The following TMEM50A variants were observed in gnomAD, a reference collection of about 807,000 sequenced individuals.
TMEM50A encodes cervical cancer oncogene 9.
Under a neutral mutation model 23.9 loss-of-function variants are expected in TMEM50A, and 8 were observed. That is an observed-to-expected ratio of 0.33 (90% CI 0.20 to 0.60). The LOEUF is 0.60. Among genes scored for constraint, TMEM50A ranks in the 20% least tolerant of loss-of-function variants. The pLI, the probability that TMEM50A is intolerant of heterozygous loss-of-function variation, is 0.81. For synonymous variants in TMEM50A, 55 were observed against 60.4 expected (o/e 0.91, Z 0.41); for missense variants, 178 against 192.7 (o/e 0.92, Z 0.45).
intron 6 of TMEM50A, 98 bp from the exon 7 acceptor site, chr1:25,360,562 A>G: frequency 7.4e-7 from 1 of 1,353,780 alleles, no homozygotes; most frequent in South Asian, 1.2e-5. Context: ...ACAACTCATC[A>G]ATTATTCTTC....
chr1:25,359,085 C>T (rs1263021286), intron 6 of TMEM50A, among the ~76,000 whole-genome samples: 1 of 152,184 alleles, frequency 6.6e-6, no homozygotes, highest in Non-Finnish European at 1.5e-5. Flanking sequence ...GTGCCTGGGA[C>T]TGCGCACCAG....
chr1:25,342,812 G>C (rs1645179776), intron 2 of TMEM50A, 149 bp from the exon 3 acceptor site: 1 of 527,924 alleles, frequency 1.9e-6, no homozygotes, highest in East Asian at 3.1e-5. Context: ...TACCTAATCA[G>C]TTATTAGGCC....
intron 1 of TMEM50A, among the ~76,000 whole-genome samples, chr1:25,339,859 G>A (rs969606339): frequency 7.9e-5 from 12 of 152,214 alleles, no homozygotes; most frequent in African/African-American, 2.9e-4. Context: ...AGGTCAACCA[G>A]TAGTTAAAAT....
chr1:25,362,146 T>G lies in TMEM50A; in HGVS notation c.*1441T>G, dbSNP rs546891680. ...CCCACAAGGACTAAGTATCAGTGAT[T>G]TGTAATTTTCCTGTTTTGTATTATC... On this transcript the variant is annotated 3_prime_UTR_variant, in exon 7 of 7. Transcript: ENST00000374358. 2.7e-6 allele frequency: 1 copy of G among 372,630 alleles called. No individual in the cohort carries two copies. The highest frequency in any genetic ancestry group is 5.0e-6 in the Non-Finnish European group (1 of 199,544). 23.1% of individuals were successfully genotyped at this position (372,630 alleles called of 1,614,324 possible). A position where few individuals can be genotyped will look rare whatever the true frequency, so the allele number is the denominator to read the frequency against.
intron 5 of TMEM50A, 44 bp from the exon 6 acceptor site, chr1:25,356,749 G>A (rs932269325): frequency 3.6e-6 from 5 of 1,399,576 alleles, no homozygotes; most frequent in Non-Finnish European, 4.9e-6. Context: ...GAAACTAAAT[G>A]TTTTGAGATC....
intron 3 of TMEM50A, among the ~76,000 whole-genome samples, 191 bp downstream of exon 3, chr1:25,343,264 C>G (rs748198156): frequency 3.3e-5 from 5 of 152,158 alleles, no homozygotes; most frequent in Non-Finnish European, 5.9e-5. Flanking sequence ...GTGTACCTCT[C>G]CACTCCCTCC....
Position 25,356,830 on chromosome 1 carries a change from C to G in TMEM50A, c.405C>G (p.Phe135Leu). Residue 135 changes from phenylalanine to leucine, a missense_variant, in exon 6 of 7, where the codon TTC becomes TTG. Physicochemically the swap from Phe to Leu is conservative, Grantham distance 22. Transcript: ENST00000374358. Reference sequence around the variant, plus strand: ...TATACCCTGGAATTGCTGTATTTTTCCAGAATGCCTTCATCTTTTTTGGGT... The same window carrying G: ...TATACCCTGGAATTGCTGTATTTTTGCAGAATGCCTTCATCTTTTTTGGGT... ...DIVYPGIAVF[F>L]QNAFIFFGGL... 1 of 1,590,308 alleles carries G rather than the reference C, an allele frequency of 6.3e-7. No homozygotes were observed. Among genetic ancestry groups the G allele is most frequent in the Non-Finnish European group, 8.5e-7 (1 of 1,171,990 alleles).
At chr1:25,344,557 TTTAA>T (rs1449399644) in intron 3 of TMEM50A, among the ~76,000 whole-genome samples, 2 of 152,030 alleles carry the variant, frequency 1.3e-5, no homozygotes, top group Non-Finnish European at 2.9e-5. Flanking sequence ...TTTTTTCTTC[TTTAA>T]TTAAGACGAG....
At chr1:25,342,428 A>C (rs1048159214) in intron 2 of TMEM50A, among the ~76,000 whole-genome samples, 1 of 152,240 alleles carries the variant, frequency 6.6e-6, no homozygotes, top group South Asian at 2.1e-4. Flanking sequence ...TGGTGTTTAA[A>C]TTAAATTTAA....
rs750279723 is a variant in TMEM50A, at chr1:25,352,904, T to C, written c.297T>C (p.Val99=). Residue 99 remains valine, a synonymous_variant, in exon 5 of 7, where the codon GTT becomes GTC. Coordinates refer to ENST00000374358, the MANE Select transcript of TMEM50A (RefSeq NM_014313.4). The part of the protein sequence containing the change: ...GQTGARIWLF[V]GFMLAFGSLI... ...AAGGTGCTCGCATTTGGCTTTTCGT[T>C]GGTTTCATGTTGGCCTTTGGATCTC... The C allele has an allele frequency of 9.9e-6, 16 of 1,613,602 alleles. No homozygotes were observed. In the East Asian group the frequency reaches 2.5e-4, roughly 25 times the overall value.
chr1:25,342,973 T>C lies in TMEM50A; in HGVS notation c.106T>C (p.Trp36Arg). 3 of 1,612,764 alleles carry C rather than the reference T, an allele frequency of 1.9e-6. No individual in the cohort carries two copies. The highest frequency in any genetic ancestry group is 2.5e-6 in the Non-Finnish European group (3 of 1,179,582). ...ACCTTTGTTTTAGTTTTTTACAGGC[T>C]GGTGGATTATCATAGATGCAGCTGT... ...IAAGVLFFTG[W>R]WIIIDAAVIY... The change falls in exon 3 of 7, where the codon TGG (tryptophan) becomes CGG (arginine). Residue 36 changes from tryptophan (W) to arginine (R), a missense_variant. Coordinates refer to ENST00000374358, the MANE Select transcript of TMEM50A (RefSeq NM_014313.4).
chr1:25,346,876 C>A (rs1341048825), intron 3 of TMEM50A, among the ~76,000 whole-genome samples: 1 of 151,882 alleles, frequency 6.6e-6, no homozygotes, highest in Non-Finnish European at 1.5e-5. Flanking sequence ...AAAAATCAGC[C>A]GGGCATGGTG....
At chr1:25,341,923 C>A (rs1645173129) in intron 2 of TMEM50A, among the ~76,000 whole-genome samples, 1 of 151,804 alleles carries the variant, frequency 6.6e-6, no homozygotes, top group Non-Finnish European at 1.5e-5. Flanking sequence ...GTTGCCCAGG[C>A]TGGTCTCCTA....
chr1:25,358,373 T>G (rs920885539), intron 6 of TMEM50A, among the ~76,000 whole-genome samples: 1 of 152,208 alleles, frequency 6.6e-6, no homozygotes, highest in Non-Finnish European at 1.5e-5. Context: ...TTCATCAGAT[T>G]TTCAAAGAAG....
chr1:25,341,497 C>T (rs1461085161), intron 2 of TMEM50A, among the ~76,000 whole-genome samples: 3 of 152,108 alleles, frequency 2.0e-5, no homozygotes, highest in East Asian at 1.9e-4. Context: ...CCGCCTGCCT[C>T]GGCCTTGCAA....
Position 25,343,053 on chromosome 1 carries a change from A to G in TMEM50A, c.186A>G (p.Ile62Met), listed in dbSNP as rs1645181498. ...FNHSYHACGVIATIAFLMINA... is the reference protein window; with the variant it reads ...FNHSYHACGVMATIAFLMINA... ...ACTCATACCATGCCTGTGGTGTTAT[A>G]GCAACCATAGCCTTCCTAATGTAAG... Residue 62 changes from isoleucine to methionine, a missense_variant, in exon 3 of 7, where the codon ATA becomes ATG. Coordinates refer to ENST00000374358, the MANE Select transcript of TMEM50A (RefSeq NM_014313.4). 6.2e-7 allele frequency: 1 copy of G among 1,612,156 alleles called. No individual in the cohort carries two copies. The highest frequency in any genetic ancestry group is 8.5e-7 in the Non-Finnish European group (1 of 1,179,290).
chr1:25,343,516 A>C (rs1378956585), intron 3 of TMEM50A, among the ~76,000 whole-genome samples: 1 of 152,228 alleles, frequency 6.6e-6, no homozygotes, highest in African/African-American at 2.4e-5. Flanking sequence ...GATATGTGCA[A>C]ATAAGTGCAA....
At position 25,360,653 on chromosome 1, in the gene TMEM50A, T is replaced by C; in HGVS notation, c.429-7T>C. ...GAGTCATGTGATATTTCTTGTTTTA[T>C]TCACAGAGGGCTGGTTTTTAAGTTT... On this transcript the variant is annotated splice_region_variant and splice_polypyrimidine_tract_variant and intron_variant, in intron 6 of 6. Transcript: ENST00000374358. 1 of 1,614,092 alleles carries C rather than the reference T, an allele frequency of 6.2e-7. No homozygotes were observed. The highest frequency in any genetic ancestry group is 8.5e-7 in the Non-Finnish European group (1 of 1,179,972).
intron 1 of TMEM50A, among the ~76,000 whole-genome samples, chr1:25,340,060 C>T (rs1645151281): frequency 6.6e-6 from 1 of 152,116 alleles, no homozygotes; most frequent in African/African-American, 2.4e-5. Flanking sequence ...CCTCAGCCTC[C>T]CAAGTAGCTG....
Sources: allele counts gnomAD v4.1 joint callset (sites outside exome capture counted in the v4.1 genomes callset), GRCh38; gene constraint gnomAD v4.1.1; transcripts MANE v1.5; gene names NCBI Gene and HGNC (gene_info 2026-07-23, HGNC 2026-07-21).